The following UBE2E1 variants were observed in gnomAD, a reference collection of about 807,000 sequenced individuals.
UBE2E1 encodes the protein ubiquitin-conjugating enzyme E2 E1.
In UBE2E1, 6 loss-of-function variants were observed where a neutral mutation model predicts 21.4. That is an observed-to-expected ratio of 0.28 (90% CI 0.15 to 0.55). The LOEUF (loss-of-function observed/expected upper bound fraction) is 0.55. Ranked by LOEUF, UBE2E1 falls within the 20% of genes least tolerant of loss-of-function variation. The pLI is 0.93. For missense variants in UBE2E1, 142 were observed against 236.5 expected, an observed-to-expected ratio of 0.60 and a Z score of 2.62; for synonymous variants, 87 against 82.7, an observed-to-expected ratio of 1.05 and a Z score of -0.28.
chr3:23,881,582 AATC>A (rs778113282), intron 3 of UBE2E1, among the ~76,000 whole-genome samples: 2 of 152,342 alleles, frequency 1.3e-5, no homozygotes, highest in South Asian at 4.1e-4. Context: ...GGTTTTAAAA[AATC>A]ATGTTACACA....
At chr3:23,807,918 G>C (rs1699312177) in intron 2 of UBE2E1, 2 of 152,330 alleles carry the variant, frequency 1.3e-5, no homozygotes, top group South Asian at 4.1e-4. Context: ...ACAAAATTTA[G>C]TAGGTGAAGA....
intron 3 of UBE2E1, among the ~76,000 whole-genome samples, chr3:23,820,924 A>T (rs1357967137): frequency 6.6e-6 from 1 of 152,238 alleles, no homozygotes; most frequent in Non-Finnish European, 1.5e-5. Context: ...TTCCAAACAG[A>T]TGAGAGTAAA....
At position 23,885,844 on chromosome 3, in the gene UBE2E1, G is replaced by T. The variant is rs1298633404; in HGVS notation, c.204-1723G>T. Among the ~76,000 whole-genome samples, 4 of 151,820 alleles carry T rather than the reference G, an allele frequency of 2.6e-5. No individual in the cohort carries two copies. In the East Asian group the frequency reaches 7.8e-4, roughly 30 times the overall value. Reference sequence around the variant, plus strand: ...CATTGCACTCCAGCCTGGGCAACAAGAGCAAAACTCCGCCTTAAAAAACAA... The same window carrying T: ...CATTGCACTCCAGCCTGGGCAACAATAGCAAAACTCCGCCTTAAAAAACAA... On this transcript the variant is annotated intron_variant, in intron 3 of 5. Transcript: ENST00000306627.
intron 3 of UBE2E1, among the ~76,000 whole-genome samples, chr3:23,849,518 C>CTCTG (rs1381231129): frequency 2.0e-5 from 3 of 152,290 alleles, no homozygotes; most frequent in Admixed American, 6.5e-5. Context: ...ACCCCTCACC[C>CTCTG]TCTGACAGGC....
At chr3:23,884,225 CA>C (rs1701123750) in intron 3 of UBE2E1, among the ~76,000 whole-genome samples, 1 of 60,874 alleles carries the variant, frequency 1.6e-5, no homozygotes, top group Admixed American at 1.8e-4. Flanking sequence ...ACCTAAATTG[CA>C]AACAGATTAG....
At chr3:23,868,273 C>T (rs1274673737) in intron 3 of UBE2E1, among the ~76,000 whole-genome samples, 1 of 152,040 alleles carries the variant, frequency 6.6e-6, no homozygotes, top group Non-Finnish European at 1.5e-5. Context: ...ACGCTGCTTA[C>T]CCTAGGGTGA....
intron 3 of UBE2E1, among the ~76,000 whole-genome samples, chr3:23,868,615 T>C (rs1700707946): frequency 6.6e-6 from 1 of 152,222 alleles, no homozygotes. Context: ...CCACTTTTAC[T>C]TTCTCTTATT....
chr3:23,833,589 A>G (rs771144803), intron 3 of UBE2E1, among the ~76,000 whole-genome samples: 56 of 152,368 alleles, frequency 3.7e-4, no homozygotes, highest in Non-Finnish European at 7.8e-4. Context: ...TCGGAAAGCA[A>G]TGGTAATGTT....
chr3:23,849,717 A>G (rs1559484561), intron 3 of UBE2E1, among the ~76,000 whole-genome samples: 1 of 152,192 alleles, frequency 6.6e-6, no homozygotes, highest in Non-Finnish European at 1.5e-5. Context: ...ATAGTATTCC[A>G]TGGTGTATAT....
Position 23,834,254 on chromosome 3 carries a change from C to G in UBE2E1, c.203+22744C>G, listed in dbSNP as rs571521861. ...ATCTTAACTCTGCCTCTTGATGGCA[C>G]TATAATCTTGGGCAGATCATTTAAC... On this transcript the variant is annotated intron_variant, in intron 3 of 5. Coordinates refer to ENST00000306627, the MANE Select transcript of UBE2E1 (RefSeq NM_003341.5). Among the ~76,000 whole-genome samples the G allele has an allele frequency of 1.8e-4, 27 of 152,310 alleles. No homozygotes were observed. The South Asian group carries it at 5.4e-3, about 30-fold the overall frequency.
At chr3:23,837,826 C>CA (rs1700003328) in intron 3 of UBE2E1, among the ~76,000 whole-genome samples, 1 of 152,164 alleles carries the variant, frequency 6.6e-6, no homozygotes, top group Non-Finnish European at 1.5e-5. Context: ...TTAAATACTA[C>CA]AAACTTTCAA....
intron 3 of UBE2E1, among the ~76,000 whole-genome samples, chr3:23,822,091 A>G (rs1306668622): frequency 2.6e-5 from 4 of 152,120 alleles, no homozygotes; most frequent in African/African-American, 7.2e-5. Context: ...GAAAATCAAG[A>G]GAGTGTGGTA....
rs1699685451 is a variant in UBE2E1 at position 23,823,373 on chromosome 3, A to G, written c.203+11863A>G. Among the ~76,000 whole-genome samples, 1 of 152,250 alleles carries G rather than the reference A, an allele frequency of 6.6e-6. No individual in the cohort carries two copies. Among genetic ancestry groups the G allele is most frequent in the Non-Finnish European group, 1.5e-5 (1 of 68,040 alleles). On this transcript the variant is annotated intron_variant, in intron 3 of 5. Transcript: ENST00000306627. This position sits in a 1 kb window ranked among gnomAD's most constrained non-coding sequence, Gnocchi z 4.2. ...AATCATTCTTCTAATTCAGAGAGTA[A>G]TTAGTTGGAATCACAAAAGCATTAG...
In UBE2E1 at chr3:23,891,083, T is replaced by C. The variant is rs1034927021; in HGVS notation, c.*477T>C. 1 of 152,892 alleles carries C rather than the reference T, an allele frequency of 6.5e-6. No individual in the cohort carries two copies. Among genetic ancestry groups the C allele is most frequent in the Non-Finnish European group, 1.5e-5 (1 of 68,240 alleles). The allele number at this position is 152,892 out of a possible 1,614,324, so 9.5% of individuals were successfully genotyped here. A position where few individuals can be genotyped will look rare whatever the true frequency, so the allele number is the denominator to read the frequency against. On this transcript the variant is annotated 3_prime_UTR_variant, in exon 6 of 6. Coordinates refer to ENST00000306627, the MANE Select transcript of UBE2E1 (RefSeq NM_003341.5). ...TATATATAAAATGGACACGTGGCTA[T>C]AAAACACCATATAAGAGATGAGTAG...
chr3:23,863,799 G>A lies in UBE2E1; in HGVS notation c.204-23768G>A, dbSNP rs1307373845. Among the ~76,000 whole-genome samples the A allele has an allele frequency of 6.6e-6, 1 of 151,980 alleles. No homozygotes were observed. Among genetic ancestry groups the A allele is most frequent in the Non-Finnish European group, 1.5e-5 (1 of 68,006 alleles). ...CCCACCTCAGCCTCCCAAAGTGCTG[G>A]GATTACAGGCGTGAACCACCGCGCC... is the stretch of plus-strand genomic sequence containing the variant. On this transcript the variant is annotated intron_variant, in intron 3 of 5. Coordinates refer to ENST00000306627, the MANE Select transcript of UBE2E1 (RefSeq NM_003341.5). The surrounding 1 kb of genome is among the most constrained non-coding windows in gnomAD (Gnocchi z 4.3).
intron 3 of UBE2E1, chr3:23,879,454 C>T: frequency 4.8e-6 from 2 of 420,226 alleles, no homozygotes; most frequent in African/African-American, 2.1e-5. Context: ...GAAATGAAGG[C>T]CGACTGGACA....
At chr3:23,871,379 G>A (rs1163586693) in intron 3 of UBE2E1, among the ~76,000 whole-genome samples, 2 of 148,758 alleles carry the variant, frequency 1.3e-5, no homozygotes, top group Non-Finnish European at 3.0e-5. Context: ...CTGGCCGGGC[G>A]GGGGGCTGAC....
chr3:23,817,344 C>G (rs1394268792), intron 3 of UBE2E1, among the ~76,000 whole-genome samples: 2 of 150,576 alleles, frequency 1.3e-5, no homozygotes, highest in African/African-American at 4.9e-5. Flanking sequence ...ATTGCTTGAA[C>G]CCTGGAGGCA....
At chr3:23,877,355 T>A (rs1336819148) in intron 3 of UBE2E1, among the ~76,000 whole-genome samples, 1 of 152,112 alleles carries the variant, frequency 6.6e-6, no homozygotes, top group East Asian at 1.9e-4. Flanking sequence ...ACAGCTGGGA[T>A]TCAGATTGAA....
Sources: allele counts gnomAD v4.1 joint callset (sites outside exome capture counted in the v4.1 genomes callset), GRCh38; gene constraint gnomAD v4.1.1; non-coding constraint Gnocchi (gnomAD v3.1); transcripts MANE v1.5; gene names NCBI Gene and HGNC (gene_info 2026-07-23, HGNC 2026-07-21).